Variants in LARGE1 observed in about 807,000 individuals in gnomAD.
LARGE1 encodes xylosyl- and glucuronyltransferase LARGE1.
LARGE1 carries 43 observed loss-of-function variants against 87.6 expected under a neutral mutation model. That is an observed-to-expected ratio of 0.49 (90% CI 0.38 to 0.63). LARGE1 has a LOEUF of 0.63. Ranked by LOEUF, LARGE1 falls within the 30% of genes least tolerant of loss-of-function variation. The pLI is 0.00. For synonymous variants in LARGE1, 434 were observed against 394.6 expected (o/e 1.10, Z -1.18); for missense variants, 802 against 1,000.2 (o/e 0.80, Z 2.67).
In LARGE1 at chr22:33,857,728, G is replaced by A. The variant is rs146762417; in HGVS notation, c.-83+62267C>T. Among the ~76,000 whole-genome samples, 257 of 152,268 alleles carry A rather than the reference G, an allele frequency of 1.7e-3. 1 individual carries two copies. The highest frequency in any genetic ancestry group is 5.9e-3 in the African/African-American group (247 of 41,554). ...ACCTGGGCTTGAGAAAAAATGACTA[G>A]CCTCCAGGAAACAACAGATGCTGGA... is the stretch of plus-strand genomic sequence containing the variant. On this transcript the variant is annotated intron_variant, in intron 1 of 14. Transcript: ENST00000397394.
At chr22:33,509,473 A>C (rs1217257424) in intron 6 of LARGE1, among the ~76,000 whole-genome samples, 1 of 151,810 alleles carries the variant, frequency 6.6e-6, no homozygotes, top group African/African-American at 2.4e-5. Context: ...TTTTTAAGAG[A>C]CAGGGTCTTG....
At chr22:33,776,563 T>C (rs1435509921) in intron 1 of LARGE1, among the ~76,000 whole-genome samples, 3 of 152,228 alleles carry the variant, frequency 2.0e-5, no homozygotes, top group African/African-American at 7.2e-5. Context: ...GGACTACCTA[T>C]GAAGCCCTGC....
intron 12 of LARGE1, among the ~76,000 whole-genome samples, chr22:33,297,458 A>C (rs1933452801): frequency 6.6e-6 from 1 of 151,590 alleles, no homozygotes; most frequent in South Asian, 2.1e-4. Flanking sequence ...AAAAATACAA[A>C]AAAAATTAGC....
At chr22:33,309,442 C>T (rs992110201) in intron 11 of LARGE1, among the ~76,000 whole-genome samples, 1 of 152,164 alleles carries the variant, frequency 6.6e-6, no homozygotes, top group Non-Finnish European at 1.5e-5. Flanking sequence ...ACTGGGATTA[C>T]AGGTATGAGC....
chr22:33,782,937 C>T (rs1344655162), intron 1 of LARGE1, among the ~76,000 whole-genome samples: 1 of 149,888 alleles, frequency 6.7e-6, no homozygotes, highest in African/African-American at 2.5e-5. Flanking sequence ...CCACTCATCA[C>T]ACCCTTATTT....
At chr22:33,351,635 T>C (rs1229294082) in intron 9 of LARGE1, among the ~76,000 whole-genome samples, 1 of 152,090 alleles carries the variant, frequency 6.6e-6, no homozygotes, top group Non-Finnish European at 1.5e-5. Context: ...ATTCTAATAA[T>C]ATATGTAGAT....
rs532829556 is a variant in LARGE1, at chr22:33,249,258, C to T, written c.1730+54971G>A. Among the ~76,000 whole-genome samples the T allele has an allele frequency of 1.3e-3, 194 of 152,290 alleles. 2 individuals carry two copies. Among genetic ancestry groups the T allele is most frequent in the Non-Finnish European group, 2.1e-4 (14 of 68,008 alleles). On this transcript the variant is annotated intron_variant, in intron 11 of 11. Coordinates refer to the LARGE1 transcript ENST00000608642. Reference sequence around the variant, plus strand: ...TTCTAATAGCTGTGTAGTGGCATATCATTGTTGTTTTAATTTGCATTTCTC... The same window carrying T: ...TTCTAATAGCTGTGTAGTGGCATATTATTGTTGTTTTAATTTGCATTTCTC...
chr22:33,483,669 C>T (rs2069434671), intron 6 of LARGE1, among the ~76,000 whole-genome samples: 1 of 152,162 alleles, frequency 6.6e-6, no homozygotes, highest in Admixed American at 6.5e-5. Context: ...ATCGCTGATG[C>T]TCTTAATTAT....
chr22:33,304,525 G>C lies in LARGE1; in HGVS notation c.1452-18C>G. 3.2e-6 allele frequency: 5 copies of C among 1,557,912 alleles called. No individual in the cohort carries two copies. In the South Asian group the frequency reaches 5.8e-5, roughly 18 times the overall value. On this transcript the variant is annotated intron_variant, in intron 11 of 14. Coordinates refer to ENST00000397394, the MANE Select transcript of LARGE1 (RefSeq NM_133642.5). ...TCTGGAGCCTGGAAGAGACAGGGAG[G>C]GTGAGCCGCGGGACCTGGGCCATCC...
chr22:33,425,020 T>C (rs1329173829), intron 7 of LARGE1, among the ~76,000 whole-genome samples: 1 of 151,900 alleles, frequency 6.6e-6, no homozygotes, highest in Non-Finnish European at 1.5e-5. Flanking sequence ...TCCCAGCACT[T>C]TGGGAGGTGG....
intron 2 of LARGE1, among the ~76,000 whole-genome samples, chr22:33,714,033 T>TAACATAACAC (rs1349702808): frequency 6.0e-5 from 9 of 149,588 alleles, no homozygotes; most frequent in Non-Finnish European, 1.0e-4. Context: ...TAACATAACA[T>TAACATAACAC]AAAACAAAAT....
At chr22:33,253,604 C>A (rs551616971) in intron 11 of LARGE1, among the ~76,000 whole-genome samples, 1 of 152,156 alleles carries the variant, frequency 6.6e-6, no homozygotes, top group African/African-American at 2.4e-5. Context: ...CTCAGCTACT[C>A]GGGAGGCTGA....
At chr22:33,224,407 CTT>C (rs1925624540) in intron 11 of LARGE1, among the ~76,000 whole-genome samples, 2 of 152,152 alleles carry the variant, frequency 1.3e-5, no homozygotes, top group African/African-American at 2.4e-5. Flanking sequence ...GCCTTCATGA[CTT>C]TTTCCATACC....
intron 7 of LARGE1, among the ~76,000 whole-genome samples, chr22:33,411,281 A>G (rs971587301): frequency 2.6e-5 from 4 of 152,254 alleles, no homozygotes; most frequent in Non-Finnish European, 5.9e-5. Flanking sequence ...AGTTAGCCAC[A>G]GCAAGGAAAT....
chr22:33,132,022 A>G, the LARGE1 span, among the ~76,000 whole-genome samples: 2 of 151,002 alleles, frequency 1.3e-5, no homozygotes, highest in African/African-American at 4.9e-5. Context: ...CTATCACGAG[A>G]ACAGCCCAGG....
At chr22:33,853,329 G>A (rs2063665036) in intron 1 of LARGE1, among the ~76,000 whole-genome samples, 1 of 152,136 alleles carries the variant, frequency 6.6e-6, no homozygotes, top group Non-Finnish European at 1.5e-5. Context: ...AGAAACAGCC[G>A]CTGCTTTTCA....
Position 33,356,188 on chromosome 22 carries a change from A to C in LARGE1, c.1132-18387T>G, listed in dbSNP as rs201057578. Among the ~76,000 whole-genome samples, 13 of 152,334 alleles carry C rather than the reference A, an allele frequency of 8.5e-5. No homozygotes were observed. In the East Asian group the frequency reaches 1.7e-3, roughly 20 times the overall value. On this transcript the variant is annotated intron_variant, in intron 9 of 14. Coordinates refer to ENST00000397394, the MANE Select transcript of LARGE1 (RefSeq NM_133642.5). The stretch of plus-strand genomic sequence containing the variant: ...TGTTTCTAGCAATAACTGCATTGGA[A>C]GTTTATCAGCTATGTGTAAAAAGCC...
chr22:33,365,710 G>A (rs986071528), intron 9 of LARGE1, among the ~76,000 whole-genome samples: 1 of 150,658 alleles, frequency 6.6e-6, no homozygotes, highest in East Asian at 2.0e-4. Flanking sequence ...TCCACCTCCC[G>A]GGCTCAAGAA....
chr22:33,182,895 T>C (rs1923248450), intron 11 of LARGE1, among the ~76,000 whole-genome samples: 1 of 152,154 alleles, frequency 6.6e-6, no homozygotes, highest in African/African-American at 2.4e-5. Context: ...TCCATGACAT[T>C]GGTCTTAGCA....
Sources: allele counts gnomAD v4.1 joint callset (sites outside exome capture counted in the v4.1 genomes callset), GRCh38; gene constraint gnomAD v4.1.1; transcripts MANE v1.5; gene names NCBI Gene and HGNC (gene_info 2026-07-23, HGNC 2026-07-21).